M1AP: variants seen among roughly 807,000 people sequenced by gnomAD.
M1AP encodes meiosis 1 arrest protein.
Under a neutral mutation model 51.2 loss-of-function variants are expected in M1AP, and 39 were observed. That is an observed-to-expected ratio of 0.76 (90% CI 0.59 to 1.00). The LOEUF is 1.00. Ranked by LOEUF, M1AP falls within the 50% of genes least tolerant of loss-of-function variation. The pLI is 0.00. For synonymous variants in M1AP, 251 were observed against 249.2 expected (o/e 1.01, Z -0.07); for missense variants, 545 against 641.2 (o/e 0.85, Z 1.62).
chr2:74,576,354 C>G, intron 6 of M1AP, 102 bp downstream of exon 6: 1 of 1,281,458 alleles, frequency 7.8e-7, no homozygotes, highest in Non-Finnish European at 1.1e-6. Context: ...TGACTCTTGC[C>G]TGCCTGACAC....
rs759400770 is a variant in M1AP, at chr2:74,586,990, G to A, written c.596-5143C>T. On this transcript the variant is annotated intron_variant, in intron 4 of 10. Transcript: ENST00000421985. ...GCACACTAGCCTGGGCAACAAGAGCGAAACTCCATTTCAAAAAAAAAAAAA... is the reference window on the plus strand; with the variant it reads ...GCACACTAGCCTGGGCAACAAGAGCAAAACTCCATTTCAAAAAAAAAAAAA... Among the ~76,000 whole-genome samples, 13 of 144,490 alleles carry A rather than the reference G, an allele frequency of 9.0e-5. No homozygotes were observed. In the South Asian group the frequency reaches 1.7e-3, roughly 19 times the overall value. 94.8% of individuals were successfully genotyped at this position (144,490 alleles called of 152,430 possible).
At chr2:74,632,848 T>C (rs2104811998) in intron 2 of M1AP, among the ~76,000 whole-genome samples, 1 of 152,216 alleles carries the variant, frequency 6.6e-6, no homozygotes. Context: ...AGTGGAGTGA[T>C]TAAAAGATTA....
intron 3 of M1AP, among the ~76,000 whole-genome samples, chr2:74,608,505 G>T (rs1305971722): frequency 6.6e-6 from 1 of 152,198 alleles, no homozygotes; most frequent in Non-Finnish European, 1.5e-5. Context: ...CATCTTGGTT[G>T]CTTCCAAGTT....
At chr2:74,628,497 A>G in intron 2 of M1AP, 3 of 454,246 alleles carry the variant, frequency 6.6e-6, no homozygotes, top group Non-Finnish European at 1.3e-5. Flanking sequence ...GTTTACTCTG[A>G]AGGAGAACAA....
chr2:74,640,383 T>C (rs1683225989), intron 1 of M1AP, 56 bp from the exon 2 acceptor site: 1 of 1,406,052 alleles, frequency 7.1e-7, no homozygotes, highest in African/African-American at 1.4e-5. Flanking sequence ...GTGTGCTCTG[T>C]TGAAATATAA....
chr2:74,557,979 T>G lies in M1AP; in HGVS notation c.*737A>C, dbSNP rs1677625719. ...TCGAACTCCTGGCCTCAAGTGATCA[T>G]CCCACCTCAGCCTCTCAAAGTGTTG... On this transcript the variant is annotated 3_prime_UTR_variant, in exon 11 of 11. Transcript: ENST00000421985. The G allele has an allele frequency of 6.6e-6, 1 of 151,810 alleles. No individual in the cohort carries two copies. Among genetic ancestry groups the G allele is most frequent in the South Asian group, 2.1e-4 (1 of 4,806 alleles). The allele number at this position is 151,810 out of a possible 1,614,324, so 9.4% of individuals were successfully genotyped here.
At chr2:74,633,365 C>T (rs1204898398) in intron 2 of M1AP, among the ~76,000 whole-genome samples, 1 of 152,176 alleles carries the variant, frequency 6.6e-6, no homozygotes, top group African/African-American at 2.4e-5. Flanking sequence ...GAATCCCCTA[C>T]TCTTAATGTC....
At chr2:74,625,337 G>A (rs1682318994) in intron 2 of M1AP, among the ~76,000 whole-genome samples, 1 of 152,066 alleles carries the variant, frequency 6.6e-6, no homozygotes, top group Admixed American at 6.5e-5. Flanking sequence ...GATATGAGAA[G>A]CAAATATTTT....
intron 8 of M1AP, among the ~76,000 whole-genome samples, chr2:74,561,127 A>AGGAGGAGGAGGAGG (rs1677928690): frequency 4.5e-5 from 1 of 22,372 alleles, no homozygotes; most frequent in Admixed American, 4.6e-4. Context: ...GGAGGAGGAG[A>AGGAGGAGGAGGAGG]AGGAGGAGGA....
chr2:74,561,229 G>A (rs201472240), intron 8 of M1AP, among the ~76,000 whole-genome samples: 6 of 117,798 alleles, frequency 5.1e-5, no homozygotes, highest in South Asian at 2.7e-4. Flanking sequence ...GGAGGAGGAG[G>A]AGAAGGAGGA....
At chr2:74,577,691 G>A (rs961153562) in intron 5 of M1AP, among the ~76,000 whole-genome samples, 1 of 152,154 alleles carries the variant, frequency 6.6e-6, no homozygotes, top group Non-Finnish European at 1.5e-5. Context: ...TGGGTGAGAC[G>A]GCCCTCAGCC....
At chr2:74,623,233 G>A (rs1221377852) in intron 2 of M1AP, among the ~76,000 whole-genome samples, 5 of 152,166 alleles carry the variant, frequency 3.3e-5, no homozygotes, top group Admixed American at 2.6e-4. Context: ...GCTGGGTGCA[G>A]TGGCTCACGC....
At chr2:74,626,888 G>C (rs1165901764) in intron 2 of M1AP, among the ~76,000 whole-genome samples, 4 of 152,044 alleles carry the variant, frequency 2.6e-5, no homozygotes, top group Admixed American at 6.6e-5. Context: ...TCAATCTCCA[G>C]TATCACATCG....
At chr2:74,561,943 C>T (rs1678044941) in intron 8 of M1AP, 6 of 985,310 alleles carry the variant, frequency 6.1e-6, no homozygotes, top group African/African-American at 1.7e-5. Flanking sequence ...AATTCCCAGT[C>T]ATCACTGATG....
chr2:74,620,630 C>T, intron 2 of M1AP: 1 of 206,924 alleles, frequency 4.8e-6, no homozygotes. Flanking sequence ...GTGCAGTTTG[C>T]CCAGACCAGT....
intron 4 of M1AP, among the ~76,000 whole-genome samples, chr2:74,595,779 T>C (rs1348349818): frequency 1.3e-5 from 2 of 152,246 alleles, no homozygotes; most frequent in African/African-American, 4.8e-5. Flanking sequence ...AATGGTACTA[T>C]ATATATTAAT....
chr2:74,643,486 A>G (rs781531500), intron 1 of M1AP, among the ~76,000 whole-genome samples: 15 of 152,180 alleles, frequency 9.9e-5, no homozygotes, highest in Non-Finnish European at 2.1e-4. Context: ...AAAGCAAAGA[A>G]TTGATTATCA....
chr2:74,587,049 G>C (rs1361647923), intron 4 of M1AP, among the ~76,000 whole-genome samples: 1 of 151,970 alleles, frequency 6.6e-6, no homozygotes, highest in African/African-American at 2.4e-5. Flanking sequence ...GGGCGAAGTG[G>C]AATAGTACAA....
chr2:74,632,714 G>A (rs1319312942), intron 2 of M1AP, among the ~76,000 whole-genome samples: 2 of 152,142 alleles, frequency 1.3e-5, no homozygotes, highest in African/African-American at 2.4e-5. Context: ...AATAATCAAA[G>A]GCTTACCCTT....
Sources: gnomAD v4.1 joint callset for allele counts (sites outside exome capture counted in the v4.1 genomes callset) on GRCh38, gnomAD v4.1.1 for gene constraint, MANE v1.5 for transcripts, NCBI Gene and HGNC (gene_info 2026-07-23, HGNC 2026-07-21) for gene names.